The following RPTOR variants were observed in gnomAD, a reference collection of about 807,000 sequenced individuals.
RPTOR encodes the protein regulatory-associated protein of mTOR.
RPTOR carries 21 observed loss-of-function variants against 169.9 expected under a neutral mutation model. The observed-to-expected ratio is 0.12, with a 90% confidence interval of 0.09 to 0.18. RPTOR has a LOEUF of 0.18. Ranked by LOEUF, RPTOR falls within the 10% of genes least tolerant of loss-of-function variation. The probability of loss-of-function intolerance (pLI) is 1.00; values close to 1 mark genes in which losing one functional copy is unlikely to be tolerated. For missense variants in RPTOR, 1,133 were observed against 1,855.9 expected (o/e 0.61, Z 7.16); for synonymous variants, 732 against 753.2 (o/e 0.97, Z 0.46).
chr17:80,788,724 TA>T (rs997766975), intron 6 of RPTOR, among the ~76,000 whole-genome samples: 2 of 152,234 alleles, frequency 1.3e-5, no homozygotes, highest in Admixed American at 1.3e-4. Flanking sequence ...ATGTGACGAT[TA>T]AAAAAATCAG....
Position 80,754,162 on chromosome 17 carries a change from C to T in RPTOR, c.807C>T (p.Thr269=), listed in dbSNP as rs1288316711. The T allele has an allele frequency of 1.2e-6, 2 of 1,609,690 alleles. No individual in the cohort carries two copies. The highest frequency in any genetic ancestry group is 2.7e-5 in the African/African-American group (2 of 74,866). ...ACCTATTCACCTCCTGCCTCACCAC[C>T]CCCATCAAGATCGCCCTGCGCTGGT... ...PADLFTSCLT[T]PIKIALRWFC... The change falls in exon 6 of 34, where the codon ACC becomes ACT. Residue 269 remains threonine (T), a synonymous_variant. Coordinates refer to ENST00000306801, the MANE Select transcript of RPTOR (RefSeq NM_020761.3). The surrounding 1 kb of genome is among the most constrained non-coding windows in gnomAD (Gnocchi z 4.2).
chr17:80,827,263 A>G (rs894592206), intron 9 of RPTOR, among the ~76,000 whole-genome samples: 1 of 152,242 alleles, frequency 6.6e-6, no homozygotes, highest in Non-Finnish European at 1.5e-5. Flanking sequence ...TGGAAACAGC[A>G]CTAGGGAGGG....
At chr17:80,832,077 T>C (rs1396832584) in intron 9 of RPTOR, among the ~76,000 whole-genome samples, 14 of 152,220 alleles carry the variant, frequency 9.2e-5, no homozygotes, top group Admixed American at 9.2e-4. Context: ...ACGGAGGGCA[T>C]GCAGCCAACA....
In RPTOR at chr17:80,707,619, C is replaced by T. The variant is rs894666628; in HGVS notation, c.349-222C>T. Among the ~76,000 whole-genome samples the T allele has an allele frequency of 4.0e-5, 6 of 151,894 alleles. No homozygotes were observed. The highest frequency in any genetic ancestry group is 3.9e-4 in the Admixed American group (6 of 15,266). ...GCTGCCCAGGCTGATCTTGAGCTCCCGGGCTCAACCAGTTCTCCCACCTTG... is the reference window on the plus strand; with the variant it reads ...GCTGCCCAGGCTGATCTTGAGCTCCTGGGCTCAACCAGTTCTCCCACCTTG... On this transcript the variant is annotated intron_variant, in intron 3 of 33. Transcript: ENST00000306801. The surrounding 1 kb of genome is among the most constrained non-coding windows in gnomAD (Gnocchi z 5.0).
At position 80,908,933 on chromosome 17, in the gene RPTOR, C is replaced by T. The variant is rs375044284; in HGVS notation, c.2520+4C>T. On this transcript the variant is annotated splice_donor_region_variant and intron_variant, in intron 21 of 33. Transcript: ENST00000306801. The stretch of plus-strand genomic sequence containing the variant: ...ACTCAACAGCATCGCCTACAAGGTA[C>T]GTGCCGGGCGCTCCCCACCGCGCTC... The T allele has an allele frequency of 1.7e-5, 28 of 1,603,348 alleles. No homozygotes were observed. The highest frequency in any genetic ancestry group is 1.7e-4 in the African/African-American group (13 of 74,682).
intron 10 of RPTOR, 69 bp from the exon 11 acceptor site, chr17:80,846,403 GC>G (rs2067730897): frequency 5.5e-6 from 8 of 1,461,672 alleles, no homozygotes; most frequent in Non-Finnish European, 7.6e-6. Flanking sequence ...CCGGCAGGTG[GC>G]AGGGGTGGGC....
intron 14 of RPTOR, 109 bp from the exon 15 acceptor site, chr17:80,883,310 A>C (rs989545335): frequency 2.1e-6 from 2 of 961,580 alleles, no homozygotes; most frequent in African/African-American, 3.2e-5. Flanking sequence ...CGTTACTTTA[A>C]TTATGCGCCA....
In RPTOR at chr17:80,754,218, C is replaced by T; in HGVS notation, c.830+33C>T. 3 of 1,551,948 alleles carry T rather than the reference C, an allele frequency of 1.9e-6. No individual in the cohort carries two copies. Among genetic ancestry groups the T allele is most frequent in the East Asian group, 2.3e-5 (1 of 43,834 alleles). The stretch of plus-strand genomic sequence containing the variant: ...GCCCCTGCTGTGCCCCTGGGACCCA[C>T]TCAACTGGGCTCTCCCGCAGGGACC... On this transcript the variant is annotated intron_variant, in intron 6 of 33. Coordinates refer to ENST00000306801, the MANE Select transcript of RPTOR (RefSeq NM_020761.3). The surrounding 1 kb of genome is among the most constrained non-coding windows in gnomAD (Gnocchi z 4.2).
chr17:80,812,380 A>G (rs982402184), intron 7 of RPTOR, among the ~76,000 whole-genome samples: 2 of 152,092 alleles, frequency 1.3e-5, no homozygotes, highest in African/African-American at 4.8e-5. Flanking sequence ...GAAAACGGAA[A>G]TTGTACAGGT....
At chr17:80,623,327 G>C (rs1305150893) in intron 1 of RPTOR, among the ~76,000 whole-genome samples, 3 of 152,008 alleles carry the variant, frequency 2.0e-5, no homozygotes, top group Non-Finnish European at 4.4e-5. Context: ...TTTAGTAAAG[G>C]AACTAACCAT....
intron 3 of RPTOR, among the ~76,000 whole-genome samples, chr17:80,663,373 T>C (rs1390258638): frequency 6.6e-6 from 1 of 151,020 alleles, no homozygotes; most frequent in East Asian, 2.0e-4. Context: ...CAAGCCACTC[T>C]AAATTGACAA....
intron 6 of RPTOR, among the ~76,000 whole-genome samples, chr17:80,768,596 G>C (rs866974122): frequency 2.0e-5 from 3 of 151,980 alleles, no homozygotes; most frequent in Non-Finnish European, 2.9e-5. Flanking sequence ...CCTCCTCACT[G>C]TCCGTGTCTC....
intron 3 of RPTOR, among the ~76,000 whole-genome samples, chr17:80,684,095 G>A (rs998998884): frequency 3.3e-5 from 5 of 152,204 alleles, no homozygotes; most frequent in Non-Finnish European, 7.3e-5. Context: ...GTGGACTGAG[G>A]GGTGGAGTCA....
chr17:80,819,861 TC>T (rs1330539438), intron 7 of RPTOR, among the ~76,000 whole-genome samples: 1 of 152,132 alleles, frequency 6.6e-6, no homozygotes, highest in Non-Finnish European at 1.5e-5. Context: ...TCCGGGCACT[TC>T]CCAGGCTGGC....
At chr17:80,917,852 C>T (rs1470821957) in intron 21 of RPTOR, among the ~76,000 whole-genome samples, 3 of 152,160 alleles carry the variant, frequency 2.0e-5, no homozygotes, top group Admixed American at 6.5e-5. Context: ...CCCTGAAGGC[C>T]GTGCTGCCCA....
Position 80,878,881 on chromosome 17 carries a change from C to A in RPTOR, c.1510-1534C>A, listed in dbSNP as rs2068152390. On this transcript the variant is annotated intron_variant, in intron 13 of 33. Coordinates refer to ENST00000306801, the MANE Select transcript of RPTOR (RefSeq NM_020761.3). This position sits in a 1 kb window ranked among gnomAD's most constrained non-coding sequence, Gnocchi z 4.1. The stretch of plus-strand genomic sequence containing the variant: ...CAGCCTGGTGTGGCTTCCGGTAACA[C>A]TGCCAGCCTCAGAGCCGGCCTGTTT... Among the ~76,000 whole-genome samples, 2 of 152,322 alleles carry A rather than the reference C, an allele frequency of 1.3e-5. No individual in the cohort carries two copies. The highest frequency in any genetic ancestry group is 1.3e-4 in the Admixed American group (2 of 15,304).
At chr17:80,952,516 C>T (rs1467778429) in intron 28 of RPTOR, among the ~76,000 whole-genome samples, 2 of 152,242 alleles carry the variant, frequency 1.3e-5, no homozygotes, top group African/African-American at 2.4e-5. Flanking sequence ...TCGCCTCTCC[C>T]GGACCCGCTT....
intron 10 of RPTOR, among the ~76,000 whole-genome samples, chr17:80,840,724 G>C (rs1284187324): frequency 7.9e-6 from 1 of 125,804 alleles, no homozygotes; most frequent in Non-Finnish European, 1.6e-5. Context: ...CCACACGGCA[G>C]CTCACTCTCA....
Position 80,754,387 on chromosome 17 carries a change from T to A in RPTOR, c.830+202T>A, listed in dbSNP as rs141233081. On this transcript the variant is annotated intron_variant, in intron 6 of 33. Transcript: ENST00000306801. This position sits in a 1 kb window ranked among gnomAD's most constrained non-coding sequence, Gnocchi z 4.2. Reference sequence around the variant, plus strand: ...TTTGAGAGCTCAAGATCCTTCTTCCTTCTGATCTGTTCGTGGGCAGCTCAC... The same window carrying A: ...TTTGAGAGCTCAAGATCCTTCTTCCATCTGATCTGTTCGTGGGCAGCTCAC... Among the ~76,000 whole-genome samples the A allele has an allele frequency of 4.9e-4, 75 of 152,318 alleles. No individual in the cohort carries two copies. Among genetic ancestry groups the A allele is most frequent in the African/African-American group, 1.8e-3 (73 of 41,564 alleles).
Sources: allele counts gnomAD v4.1 joint callset (sites outside exome capture counted in the v4.1 genomes callset), GRCh38; gene constraint gnomAD v4.1.1; non-coding constraint Gnocchi (gnomAD v3.1); transcripts MANE v1.5; gene names NCBI Gene and HGNC (gene_info 2026-07-23, HGNC 2026-07-21).